MPRIP: variants seen among roughly 807,000 people sequenced by gnomAD.
MPRIP encodes myosin phosphatase Rho-interacting protein.
In MPRIP, 59 loss-of-function variants were observed where a neutral mutation model predicts 234.9. That is an observed-to-expected ratio of 0.25 (90% CI 0.20 to 0.31). MPRIP has a LOEUF of 0.31. MPRIP is among the 10% of genes least tolerant of loss of function. The pLI, the probability that MPRIP is intolerant of heterozygous loss-of-function variation, is 1.00. For missense variants in MPRIP, 2,436 were observed against 3,071.0 expected (o/e 0.79, Z 4.89); for synonymous variants, 1,144 against 1,263.9 (o/e 0.91, Z 2.01).
At chr17:17,084,976 G>A (rs2089552549) in intron 3 of MPRIP, among the ~76,000 whole-genome samples, 1 of 152,248 alleles carries the variant, frequency 6.6e-6, no homozygotes, top group South Asian at 2.1e-4. Flanking sequence ...AGGACAGGAA[G>A]GGGCAAGACA....
chr17:17,080,511 A>G (rs150382624), intron 3 of MPRIP, among the ~76,000 whole-genome samples: 319 of 152,334 alleles, frequency 2.1e-3, no homozygotes, highest in African/African-American at 7.4e-3. Flanking sequence ...AGTGCCTGGA[A>G]ATAGACCAGT....
chr17:17,075,934 T>C, intron 2 of MPRIP, 147 bp downstream of exon 2: 2 of 697,386 alleles, frequency 2.9e-6, no homozygotes, highest in Non-Finnish European at 4.9e-6. Flanking sequence ...TTGGTGCACT[T>C]GTACGTTGTA....
chr17:17,060,225 C>T (rs532228704), intron 1 of MPRIP, among the ~76,000 whole-genome samples: 33 of 152,282 alleles, frequency 2.2e-4, no homozygotes, highest in Non-Finnish European at 4.7e-4. Context: ...GGGCAATGTG[C>T]TTTGGGGCCC....
At chr17:17,154,102 G>A (rs1399099062) in intron 12 of MPRIP, among the ~76,000 whole-genome samples, 4 of 152,110 alleles carry the variant, frequency 2.6e-5, no homozygotes, top group African/African-American at 4.8e-5. Flanking sequence ...ACAAATACAC[G>A]TCCCTCCCAC....
intron 3 of MPRIP, among the ~76,000 whole-genome samples, chr17:17,086,386 C>T (rs571920337): frequency 6.6e-6 from 1 of 152,340 alleles, no homozygotes; most frequent in South Asian, 2.1e-4. Context: ...TTGATTTGGT[C>T]ATGACAATTG....
intron 3 of MPRIP, among the ~76,000 whole-genome samples, chr17:17,091,929 C>T (rs761776916): frequency 4.6e-5 from 7 of 152,184 alleles, no homozygotes; most frequent in Non-Finnish European, 1.0e-4. Flanking sequence ...ATATAAACAT[C>T]GACATCTGGG....
At position 17,161,317 on chromosome 17, in the gene MPRIP, G is replaced by T. The variant is rs1405026692; in HGVS notation, c.2478G>T (p.Leu826=). 6.3e-7 allele frequency: 1 copy of T among 1,592,778 alleles called. No individual in the cohort carries two copies. The highest frequency in any genetic ancestry group is 8.6e-7 in the Non-Finnish European group (1 of 1,167,534). ...TGCAGGACCAGCTGAGGGTGGCCCT[G>T]GGCCGGGAGCAGAGCGCCCGTGAGG... ...RLLQDQLRVA[L]GREQSAREGY... Residue 826 remains leucine (L), a synonymous_variant, in exon 15 of 24, where the codon CTG becomes CTT. Coordinates refer to ENST00000651222, the MANE Select transcript of MPRIP (RefSeq NM_001364716.4).
intron 1 of MPRIP, among the ~76,000 whole-genome samples, chr17:17,050,314 CAAAAA>C (rs66950979): frequency 4.3e-5 from 4 of 92,272 alleles, no homozygotes; most frequent in South Asian, 3.9e-4. Context: ...GACTCCGTCT[CAAAAA>C]AAAAAAAAAA....
intron 3 of MPRIP, among the ~76,000 whole-genome samples, 180 bp from the exon 4 acceptor site, chr17:17,126,522 G>A (rs2090493011): frequency 6.6e-6 from 1 of 152,182 alleles, no homozygotes; most frequent in African/African-American, 2.4e-5. Flanking sequence ...CTCTGGAGAA[G>A]GCCAGGCCTG....
intron 2 of MPRIP, 77 bp from the exon 3 acceptor site, chr17:17,077,934 A>T (rs1409728984): frequency 1.4e-6 from 2 of 1,416,990 alleles, no homozygotes; most frequent in Non-Finnish European, 2.0e-6. Flanking sequence ...GACTTGTCAG[A>T]CGTGGGAACT....
At position 17,190,976 on chromosome 17, in the gene MPRIP, T is replaced by A. The variant is rs1459953017; in HGVS notation, c.*6082T>A. The A allele has an allele frequency of 6.6e-6, 1 of 152,174 alleles. No individual in the cohort carries two copies. Among genetic ancestry groups the A allele is most frequent in the African/African-American group, 2.4e-5 (1 of 41,446 alleles). 9.4% of individuals were successfully genotyped at this position (152,174 alleles called of 1,614,324 possible). A position where few individuals can be genotyped will look rare whatever the true frequency, so the allele number is the denominator to read the frequency against. On this transcript the variant is annotated 3_prime_UTR_variant, in exon 24 of 24. Transcript: ENST00000651222. The stretch of plus-strand genomic sequence containing the variant: ...GAGTTTGTATGGGTTTTTAAAAAAA[T>A]CTTAGACACCCCTTTTTAAGATGGG...
Position 17,164,506 on chromosome 17 carries a change from A to C in MPRIP, c.2915A>C (p.Glu972Ala). Residue 972 changes from glutamate (E) to alanine (A), a missense_variant, in exon 16 of 24, where the codon GAG (glutamate) becomes GCG (alanine). Physicochemically the swap from Glu to Ala is moderately radical, Grantham distance 107 (BLOSUM62 -1). Coordinates refer to ENST00000651222, the MANE Select transcript of MPRIP (RefSeq NM_001364716.4). Reference protein sequence around the residue: ...AEALLLEKTQELRGLETQQAL... With the variant: ...AEALLLEKTQALRGLETQQAL... The stretch of plus-strand genomic sequence containing the variant: ...GCCCTGCTGCTGGAGAAGACGCAGG[A>C]GCTACGGGGCCTGGAGACACAGCAG... 2 of 1,211,572 alleles carry C rather than the reference A, an allele frequency of 1.7e-6. No homozygotes were observed. Among genetic ancestry groups the C allele is most frequent in the Non-Finnish European group, 2.1e-6 (2 of 949,658 alleles). 75.1% of individuals were successfully genotyped at this position (1,211,572 alleles called of 1,614,324 possible).
rs2046600093 is a variant in MPRIP, at chr17:17,192,160, A to ACAGAAGGAATCACAGCACAGCACAGAAG, written c.*7266_*7267insCAGAAGGAATCACAGCACAGCACAGAAG. 6.6e-6 allele frequency: 1 copy of ACAGAAGGAATCACAGCACAGCACAGAAG among 152,218 alleles called. No homozygotes were observed. The highest frequency in any genetic ancestry group is 1.5e-5 in the Non-Finnish European group (1 of 68,034). 9.4% of individuals were successfully genotyped at this position (152,218 alleles called of 1,614,324 possible). A position where few individuals can be genotyped will look rare whatever the true frequency, so the allele number is the denominator to read the frequency against. On this transcript the variant is annotated 3_prime_UTR_variant, in exon 24 of 24. Transcript: ENST00000651222. Reference sequence around the variant, plus strand: ...CTCTGCCGCAGCTTGTGATTCCAGCAGTTCTCACAAACGTTCTGTCACATG... The same window carrying ACAGAAGGAATCACAGCACAGCACAGAAG: ...CTCTGCCGCAGCTTGTGATTCCAGCACAGAAGGAATCACAGCACAGCACAGAAGGTTCTCACAAACGTTCTGTCACATG...
At chr17:17,068,647 C>T (rs991871508) in intron 1 of MPRIP, among the ~76,000 whole-genome samples, 2 of 152,002 alleles carry the variant, frequency 1.3e-5, no homozygotes, top group Non-Finnish European at 2.9e-5. Context: ...TCTCCTGCCT[C>T]AGCCTCCTGA....
At chr17:17,147,237 T>C (rs2045487703) in intron 10 of MPRIP, 82 bp from the exon 11 acceptor site, 3 of 1,375,806 alleles carry the variant, frequency 2.2e-6, no homozygotes, top group African/African-American at 2.9e-5. Flanking sequence ...CCCCACAGGC[T>C]CTGGCTGCGC....
At chr17:17,115,440 G>A (rs1465772984) in intron 3 of MPRIP, among the ~76,000 whole-genome samples, 3 of 152,212 alleles carry the variant, frequency 2.0e-5, no homozygotes, top group East Asian at 1.9e-4. Context: ...GGGTTGGCAG[G>A]GAGGCGAGCT....
chr17:17,127,422 G>A (rs1169575987), intron 4 of MPRIP, among the ~76,000 whole-genome samples: 1 of 152,260 alleles, frequency 6.6e-6, no homozygotes, highest in Non-Finnish European at 1.5e-5. Flanking sequence ...CAGGTCCCCT[G>A]AGAGTGGCGA....
At chr17:17,081,887 G>T (rs1324620719) in intron 3 of MPRIP, among the ~76,000 whole-genome samples, 1 of 152,190 alleles carries the variant, frequency 6.6e-6, no homozygotes, top group East Asian at 1.9e-4. Flanking sequence ...AAAAGGAAAA[G>T]AAATTTCTCA....
At chr17:17,155,584 C>T (rs774882546) in intron 13 of MPRIP, among the ~76,000 whole-genome samples, 104 of 152,228 alleles carry the variant, frequency 6.8e-4, no homozygotes, top group Middle Eastern at 3.2e-3. Context: ...CTTCTTCCTG[C>T]GGACTCCACA....
Sources: allele counts gnomAD v4.1 joint callset (sites outside exome capture counted in the v4.1 genomes callset), GRCh38; gene constraint gnomAD v4.1.1; transcripts MANE v1.5; gene names NCBI Gene and HGNC (gene_info 2026-07-23, HGNC 2026-07-21).